The following SSH2 variants were observed in gnomAD, a reference collection of about 807,000 sequenced individuals.
SSH2 encodes slingshot protein phosphatase 2.
SSH2 carries 37 observed loss-of-function variants against 135.2 expected under a neutral mutation model. That is an observed-to-expected ratio of 0.27 (90% CI 0.21 to 0.36). The LOEUF is 0.36. Ranked by LOEUF, SSH2 falls within the 10% of genes least tolerant of loss-of-function variation. SSH2 has a pLI of 1.00. For synonymous variants in SSH2, 628 were observed against 646.2 expected (o/e 0.97, Z 0.43); for missense variants, 1,408 against 1,765.3 (o/e 0.80, Z 3.63).
chr17:29,859,283 C>CT (rs1032888707), intron 1 of SSH2, among the ~76,000 whole-genome samples: 2 of 151,872 alleles, frequency 1.3e-5, no homozygotes. Flanking sequence ...TCCTCTTACA[C>CT]TTTTTTTTCT....
In SSH2 at chr17:29,627,247, A is replaced by C. The variant is rs571168765; in HGVS notation, c.*3594T>G. ...AATGGCTTTACTTAAAAATTTTTAA[A>C]TGCCCTTAAAAGTGACTTTTTGCAT... On this transcript the variant is annotated 3_prime_UTR_variant, in exon 16 of 16. Transcript: ENST00000540801. The C allele has an allele frequency of 8.5e-5, 13 of 152,788 alleles. No individual in the cohort carries two copies. The highest frequency in any genetic ancestry group is 3.1e-4 in the African/African-American group (13 of 41,584). 9.5% of individuals were successfully genotyped at this position (152,788 alleles called of 1,614,324 possible).
chr17:29,760,910 G>T (rs1179356956), intron 3 of SSH2, among the ~76,000 whole-genome samples: 2 of 152,012 alleles, frequency 1.3e-5, no homozygotes, highest in Non-Finnish European at 2.9e-5. Flanking sequence ...AAGTTAAACG[G>T]AAATTCTCCC....
chr17:29,840,182 T>C (rs1023846429), intron 2 of SSH2, among the ~76,000 whole-genome samples: 2 of 152,208 alleles, frequency 1.3e-5, no homozygotes, highest in Non-Finnish European at 2.9e-5. Context: ...CCTCAGATTA[T>C]GGAAGCAAGA....
At chr17:29,756,594 C>T (rs2041135755) in intron 3 of SSH2, among the ~76,000 whole-genome samples, 1 of 151,858 alleles carries the variant, frequency 6.6e-6, no homozygotes, top group Non-Finnish European at 1.5e-5. Flanking sequence ...AAGTGTGAGC[C>T]ACTGCCCTTG....
intron 1 of SSH2, among the ~76,000 whole-genome samples, chr17:29,892,922 G>C (rs1369572783): frequency 9.2e-5 from 14 of 151,908 alleles, no homozygotes; most frequent in Admixed American, 2.0e-4. Context: ...TAACCAAAAA[G>C]AGCCCTTCTC....
At chr17:29,802,417 G>A (rs2042265248) in intron 2 of SSH2, among the ~76,000 whole-genome samples, 1 of 152,048 alleles carries the variant, frequency 6.6e-6, no homozygotes, top group African/African-American at 2.4e-5. Context: ...GACTAACTAT[G>A]GTGTTGGGAA....
At chr17:29,847,906 T>C (rs1399945449) in intron 2 of SSH2, among the ~76,000 whole-genome samples, 1 of 152,198 alleles carries the variant, frequency 6.6e-6, no homozygotes, top group East Asian at 1.9e-4. Flanking sequence ...CCCCTTAATT[T>C]ACATGTAATT....
intron 1 of SSH2, among the ~76,000 whole-genome samples, chr17:29,897,992 C>T (rs1307140463): frequency 6.6e-6 from 1 of 152,148 alleles, no homozygotes; most frequent in African/African-American, 2.4e-5. Flanking sequence ...AACCGCTCAA[C>T]TACATGGAAA....
At position 29,687,437 on chromosome 17, in the gene SSH2, A is replaced by G. The variant is rs543908439; in HGVS notation, c.358-2753T>C. Among the ~76,000 whole-genome samples, 4 of 152,366 alleles carry G rather than the reference A, an allele frequency of 2.6e-5. No homozygotes were observed. The East Asian group carries it at 7.7e-4, about 29-fold the overall frequency. On this transcript the variant is annotated intron_variant, in intron 5 of 15. Transcript: ENST00000540801. ...TTTTGACTTCATGTTCCATGAAGTAATTGAGCATTTAAAACCAAATTCACT... is the reference window on the plus strand; with the variant it reads ...TTTTGACTTCATGTTCCATGAAGTAGTTGAGCATTTAAAACCAAATTCACT...
At chr17:29,749,826 A>G (rs1269418266) in intron 3 of SSH2, among the ~76,000 whole-genome samples, 1 of 152,122 alleles carries the variant, frequency 6.6e-6, no homozygotes, top group African/African-American at 2.4e-5. Flanking sequence ...TCCTGGGCTC[A>G]AGAGATTCTC....
chr17:29,906,504 C>T (rs962135384), intron 1 of SSH2, among the ~76,000 whole-genome samples: 13 of 152,254 alleles, frequency 8.5e-5, no homozygotes, highest in African/African-American at 3.1e-4. Context: ...CAAGCAAAAA[C>T]TGACAAATGG....
chr17:29,917,038 T>G (rs889170056), intron 1 of SSH2, among the ~76,000 whole-genome samples: 7 of 147,686 alleles, frequency 4.7e-5, no homozygotes, highest in Admixed American at 2.0e-4. Flanking sequence ...AAAAAAAGGG[T>G]TTGTCAGGTT....
rs746807132 is a variant in SSH2, at chr17:29,636,795, G to A, written c.1435C>T (p.Arg479Trp). Residue 479 changes from arginine to tryptophan, a missense_variant, in exon 15 of 16, where the codon CGG becomes TGG. Arg to Trp is a moderately radical substitution (Grantham distance 101). This residue lies in a region of SSH2 where 106 missense variants were observed against 265.2 expected (regional missense o/e 0.40). Transcript: ENST00000540801. ...TGAGATCTCCATAGTTTGTTATGCCGCTGTTTGCTGTGGAGGACATACACA... is the reference window on the plus strand; with the variant it reads ...TGAGATCTCCATAGTTTGTTATGCCACTGTTTGCTGTGGAGGACATACACA... ...YQGILLASKQ[R>W]HNKLWRSHSD... 6.2e-7 allele frequency: 1 copy of A among 1,603,892 alleles called. No homozygotes were observed. Among genetic ancestry groups the A allele is most frequent in the Non-Finnish European group, 8.5e-7 (1 of 1,173,234 alleles).
intron 1 of SSH2, among the ~76,000 whole-genome samples, chr17:29,908,775 A>G (rs2066705848): frequency 6.8e-6 from 1 of 147,374 alleles, no homozygotes; most frequent in Non-Finnish European, 1.5e-5. Flanking sequence ...AAAAAAAAAA[A>G]AAAAAAAAAA....
intron 1 of SSH2, among the ~76,000 whole-genome samples, chr17:29,851,528 G>T (rs969153914): frequency 6.6e-6 from 1 of 151,960 alleles, no homozygotes; most frequent in Non-Finnish European, 1.5e-5. Flanking sequence ...GGTGGTGGAG[G>T]TTACAGTGAG....
At chr17:29,663,479 T>C (rs555888929) in intron 11 of SSH2, among the ~76,000 whole-genome samples, 63 of 152,344 alleles carry the variant, frequency 4.1e-4, no homozygotes, top group African/African-American at 1.4e-3. Flanking sequence ...AAGGAACAAG[T>C]ATAATAAGAT....
rs2041197103 is a variant in SSH2 at position 29,758,415 on chromosome 17, C to T, written c.188+35479G>A. 2.0e-5 allele frequency among the ~76,000 whole-genome samples: 3 copies of T among 152,132 alleles called. No homozygotes were observed. The South Asian group carries it at 6.2e-4, about 32-fold the overall frequency. ...TTATCTGTAAACAGAAAAATTAGTT[C>T]ATAAGGTTGCTATGATTAAATGAGA... On this transcript the variant is annotated intron_variant, in intron 3 of 15. Transcript: ENST00000540801.
chr17:29,715,376 G>T (rs2039587214), intron 3 of SSH2, among the ~76,000 whole-genome samples: 1 of 151,818 alleles, frequency 6.6e-6, no homozygotes, highest in South Asian at 2.1e-4. Context: ...CTCCCGAATA[G>T]TTAGGACTAC....
At chr17:29,677,789 A>T (rs1292828220) in intron 6 of SSH2, 48 bp from the exon 7 acceptor site, 8 of 1,468,078 alleles carry the variant, frequency 5.4e-6, no homozygotes, top group Non-Finnish European at 7.6e-6. Context: ...TACTCTGGGA[A>T]GCAGTCTTCT....
Sources: gnomAD v4.1 joint callset for allele counts (sites outside exome capture counted in the v4.1 genomes callset) on GRCh38, gnomAD v4.1.1 for gene constraint, gnomAD v4.1.1 regional missense constraint, MANE v1.5 for transcripts, NCBI Gene and HGNC (gene_info 2026-07-23, HGNC 2026-07-21) for gene names.